The following TET1 variants were observed in gnomAD, a reference collection of about 807,000 sequenced individuals.
TET1 encodes methylcytosine dioxygenase TET1.
TET1 carries 13 observed loss-of-function variants against 148.7 expected under a neutral mutation model. That is an observed-to-expected ratio of 0.09 (90% CI 0.06 to 0.14). The LOEUF is 0.14. TET1 is among the 10% of genes least tolerant of loss of function. The pLI, the probability that TET1 is intolerant of heterozygous loss-of-function variation, is 1.00. For synonymous variants in TET1, 907 were observed against 937.2 expected (o/e 0.97, Z 0.59); for missense variants, 2,182 against 2,553.8 (o/e 0.85, Z 3.14).
At chr10:68,679,107 G>T (rs1310880268) in intron 8 of TET1, among the ~76,000 whole-genome samples, 1 of 152,146 alleles carries the variant, frequency 6.6e-6, no homozygotes, top group African/African-American at 2.4e-5. Flanking sequence ...AACCTGGGAG[G>T]TGGAGGATAC....
intron 8 of TET1, among the ~76,000 whole-genome samples, chr10:68,675,718 G>A (rs969007170): frequency 2.6e-5 from 4 of 151,862 alleles, no homozygotes; most frequent in African/African-American, 7.2e-5. Context: ...AGACACTGTG[G>A]CCAGGCAGAT....
intron 1 of TET1, among the ~76,000 whole-genome samples, chr10:68,560,984 C>G (rs1202753767): frequency 1.3e-5 from 2 of 152,176 alleles, no homozygotes; most frequent in African/African-American, 4.8e-5. Flanking sequence ...TATCGGCCAC[C>G]CGCTCCGGAG....
Position 68,647,304 on chromosome 10 carries a change from A to G in TET1, c.4276+299A>G, listed in dbSNP as rs527908590. Among the ~76,000 whole-genome samples the G allele has an allele frequency of 5.3e-5, 8 of 152,326 alleles. No individual in the cohort carries two copies. The South Asian group carries it at 1.7e-3, about 32-fold the overall frequency. The stretch of plus-strand genomic sequence containing the variant: ...TGTCTGTCAATTTATCGTGCGTAGC[A>G]TAAGAATGAATTTCGTAGGCCAGGC... On this transcript the variant is annotated intron_variant, in intron 4 of 11. Transcript: ENST00000373644.
At chr10:68,673,107 A>C (rs1285694836) in intron 8 of TET1, 62 bp downstream of exon 8, 1 of 1,445,386 alleles carries the variant, frequency 6.9e-7, no homozygotes, top group East Asian at 2.3e-5. Context: ...ATGTAAGTGC[A>C]TTCCTTTAAC....
At chr10:68,653,816 T>C (rs1024079671) in intron 6 of TET1, among the ~76,000 whole-genome samples, 2 of 152,144 alleles carry the variant, frequency 1.3e-5, no homozygotes, top group African/African-American at 4.8e-5. Context: ...CCATTAAGTG[T>C]GGGTTGTCGG....
At chr10:68,654,152 G>A (rs985763130) in intron 6 of TET1, among the ~76,000 whole-genome samples, 11 of 147,450 alleles carry the variant, frequency 7.5e-5, no homozygotes, top group Admixed American at 6.9e-4. Flanking sequence ...AATGCCTTTC[G>A]GGGGAGGGAA....
chr10:68,684,873 G>A (rs2055488832), intron 10 of TET1, among the ~76,000 whole-genome samples: 1 of 151,812 alleles, frequency 6.6e-6, no homozygotes, highest in Non-Finnish European at 1.5e-5. Context: ...AATTAAATTG[G>A]TTCCAGTAAA....
At chr10:68,673,550 A>T (rs1224722575) in intron 8 of TET1, 5 of 227,972 alleles carry the variant, frequency 2.2e-5, no homozygotes, top group African/African-American at 1.2e-4. Flanking sequence ...TATATATTAT[A>T]TTAAATTAAA....
intron 7 of TET1, 25 bp from the exon 8 acceptor site, chr10:68,672,870 A>G: frequency 6.3e-7 from 1 of 1,585,712 alleles, no homozygotes. Context: ...TCATCAATTC[A>G]CTCTCTTGAA....
intron 3 of TET1, among the ~76,000 whole-genome samples, chr10:68,603,962 G>A (rs2054090897): frequency 6.6e-6 from 1 of 152,154 alleles, no homozygotes; most frequent in Non-Finnish European, 1.5e-5. Context: ...GTGGTGGGTG[G>A]GGGTAGCTCA....
At position 68,594,950 on chromosome 10, in the gene TET1, G is replaced by A. The variant is rs181371288; in HGVS notation, c.1915-6031G>A. Among the ~76,000 whole-genome samples, 532 of 145,166 alleles carry A rather than the reference G, an allele frequency of 3.7e-3. 2 individuals are homozygous for A. Among genetic ancestry groups the A allele is most frequent in the African/African-American group, 0.013 (515 of 38,920 alleles). ...GCAGAGATCTCGCCATTGCACTCCAGCCTGGGCAACAGTGCTCAAGACACC... is the reference window on the plus strand; with the variant it reads ...GCAGAGATCTCGCCATTGCACTCCAACCTGGGCAACAGTGCTCAAGACACC... On this transcript the variant is annotated intron_variant, in intron 2 of 11. Coordinates refer to ENST00000373644, the MANE Select transcript of TET1 (RefSeq NM_030625.3).
chr10:68,596,447 A>G lies in TET1; in HGVS notation c.1915-4534A>G. On this transcript the variant is annotated intron_variant, in intron 2 of 11. Transcript: ENST00000373644. ...CTTCTTTGGGCCTCTGAATTATTTCATAGCTAATATTTAATTTTTTTTGTA... is the reference window on the plus strand; with the variant it reads ...CTTCTTTGGGCCTCTGAATTATTTCGTAGCTAATATTTAATTTTTTTTGTA... Among the ~76,000 whole-genome samples the G allele has an allele frequency of 1.3e-5, 2 of 152,062 alleles. 1 individual carries two copies. The highest frequency in any genetic ancestry group is 3.8e-4 in the East Asian group (2 of 5,198).
chr10:68,686,486 A>T lies in TET1; in HGVS notation c.5183A>T (p.Lys1728Met). ...GGCTCCAAGGAAGGAATGGAAGCCA[A>T]GATCAAATCTGGGGCCATCGAGGTC... The part of the protein sequence containing the change: ...EFGSKEGMEA[K>M]IKSGAIEVLA... Residue 1728 changes from lysine to methionine, a missense_variant, in exon 11 of 12, where the codon AAG (lysine) becomes ATG (methionine). Physicochemically the swap from Lys to Met is moderately conservative, Grantham distance 95 (BLOSUM62 -1). This residue lies in a region of TET1 where 380 missense variants were observed against 387.9 expected (regional missense o/e 0.98). Coordinates refer to ENST00000373644, the MANE Select transcript of TET1 (RefSeq NM_030625.3). 6.2e-7 allele frequency: 1 copy of T among 1,614,152 alleles called. No individual in the cohort carries two copies.
chr10:68,649,555 G>A (rs570833255), intron 4 of TET1, among the ~76,000 whole-genome samples: 12 of 145,966 alleles, frequency 8.2e-5, no homozygotes, highest in Non-Finnish European at 1.6e-4. Context: ...GTAGTGAGCC[G>A]AGATCACGCC....
chr10:68,639,058 T>C (rs1270682352), intron 3 of TET1, among the ~76,000 whole-genome samples: 7 of 140,532 alleles, frequency 5.0e-5, no homozygotes, highest in African/African-American at 1.6e-4. Flanking sequence ...TTAAAAGTGA[T>C]ATGAAATATA....
chr10:68,578,489 C>G (rs908833358), intron 2 of TET1, among the ~76,000 whole-genome samples: 6 of 152,114 alleles, frequency 3.9e-5, no homozygotes, highest in Non-Finnish European at 8.8e-5. Flanking sequence ...GAACTCCTGA[C>G]TCAGGTGATC....
intron 8 of TET1, chr10:68,674,272 T>G (rs1390632716): frequency 6.5e-6 from 1 of 154,170 alleles, no homozygotes; most frequent in Non-Finnish European, 1.4e-5. Context: ...CTAGGTTTTC[T>G]TTCTAAATAT....
intron 3 of TET1, among the ~76,000 whole-genome samples, chr10:68,643,586 T>G (rs1167269000): frequency 6.6e-6 from 1 of 152,018 alleles, no homozygotes; most frequent in Non-Finnish European, 1.5e-5. Context: ...TTTGGGAGGC[T>G]GAGGCGGGCA....
intron 1 of TET1, among the ~76,000 whole-genome samples, chr10:68,564,309 C>A (rs536251957): frequency 6.6e-6 from 1 of 150,934 alleles, no homozygotes; most frequent in East Asian, 2.0e-4. Flanking sequence ...CTACCATGCC[C>A]GGCTAATTTT....
Sources: allele counts gnomAD v4.1 joint callset (sites outside exome capture counted in the v4.1 genomes callset), GRCh38; gene constraint gnomAD v4.1.1; regional missense constraint gnomAD v4.1.1; transcripts MANE v1.5; gene names NCBI Gene and HGNC (gene_info 2026-07-23, HGNC 2026-07-21).